TTL: variants seen among roughly 807,000 people sequenced by gnomAD.
TTL encodes tubulin--tyrosine ligase.
Under a neutral mutation model 41.1 loss-of-function variants are expected in TTL, and 10 were observed. The observed-to-expected ratio is 0.24, with a 90% CI of 0.15 to 0.41. The LOEUF (loss-of-function observed/expected upper bound fraction) is 0.41. TTL is among the 10% of genes least tolerant of loss of function. TTL has a pLI of 1.00. For synonymous variants in TTL, 175 were observed against 175.5 expected (o/e 1.00, Z 0.02); for missense variants, 367 against 460.4 (o/e 0.80, Z 1.86).
At position 112,529,224 on chromosome 2, in the gene TTL, C is replaced by T. The variant is rs765611308; in HGVS notation, c.*429C>T. ...GGAGGTTGCCTGTGTGTTCCCCACC[C>T]ATCCCTTCGGTAACACTCTGCCACA... On this transcript the variant is annotated 3_prime_UTR_variant, in exon 7 of 7. Transcript: ENST00000233336. The T allele has an allele frequency of 7.0e-6, 2 of 286,166 alleles. No homozygotes were observed. Among genetic ancestry groups the T allele is most frequent in the Non-Finnish European group, 1.3e-5 (2 of 149,916 alleles). 17.7% of individuals were successfully genotyped at this position (286,166 alleles called of 1,614,324 possible).
chr2:112,520,508 T>C, intron 6 of TTL, 83 bp downstream of exon 6: 2 of 1,543,874 alleles, frequency 1.3e-6, no homozygotes, highest in Non-Finnish European at 1.8e-6. Flanking sequence ...GTGTAGTCAC[T>C]TTGACTGCTG....
chr2:112,493,066 CTTCAAG>C (rs990756270), intron 2 of TTL, among the ~76,000 whole-genome samples: 5 of 152,096 alleles, frequency 3.3e-5, no homozygotes, highest in Admixed American at 1.3e-4. Context: ...TATTTTGTTC[CTTCAAG>C]TTCAAGTAGC....
At chr2:112,491,174 G>A (rs1190228279) in intron 2 of TTL, among the ~76,000 whole-genome samples, 2 of 151,966 alleles carry the variant, frequency 1.3e-5, no homozygotes. Context: ...TGTATTTTTA[G>A]TAGAGATAGG....
rs145108734 is a variant in TTL at position 112,492,904 on chromosome 2, A to T, written c.237-1239A>T. The stretch of plus-strand genomic sequence containing the variant: ...AGACCCCGTCTCAAATAAAAAAAAT[A>T]AAAATAAAATAAAAAATTAAACTTT... On this transcript the variant is annotated intron_variant, in intron 2 of 6. Coordinates refer to ENST00000233336, the MANE Select transcript of TTL (RefSeq NM_153712.5). Among the ~76,000 whole-genome samples the T allele has an allele frequency of 5.3e-5, 8 of 152,282 alleles. No homozygotes were observed. The East Asian group carries it at 1.5e-3, about 29-fold the overall frequency.
chr2:112,518,021 C>T (rs1255105643), intron 5 of TTL, among the ~76,000 whole-genome samples: 1 of 151,700 alleles, frequency 6.6e-6, no homozygotes, highest in African/African-American at 2.4e-5. Context: ...TCTCGGCTCA[C>T]TGCAGCCTTG....
rs550980540 is a variant in TTL at position 112,495,380 on chromosome 2, T to G, written c.469+1005T>G. ...AGGCTTCACACAAACACAGACATTC[T>G]GTCTTATTCATCCTTGTACCTTCCT... On this transcript the variant is annotated intron_variant, in intron 3 of 6. Transcript: ENST00000233336. Among the ~76,000 whole-genome samples, 29 of 152,366 alleles carry G rather than the reference T, an allele frequency of 1.9e-4. 1 individual carries two copies. The highest frequency in any genetic ancestry group is 1.9e-3 in the Admixed American group (29 of 15,306).
chr2:112,516,725 A>T (rs1159050579), intron 5 of TTL, among the ~76,000 whole-genome samples: 2 of 152,100 alleles, frequency 1.3e-5, no homozygotes, highest in African/African-American at 4.8e-5. Context: ...CTGTTCTAGG[A>T]TCTCCATTCT....
intron 2 of TTL, among the ~76,000 whole-genome samples, chr2:112,493,059 T>G (rs1681432990): frequency 6.6e-6 from 1 of 152,184 alleles, no homozygotes; most frequent in Non-Finnish European, 1.5e-5. Context: ...ATTTATTTAT[T>G]TTGTTCCTTC....
chr2:112,512,671 A>G (rs1681957284), intron 5 of TTL, among the ~76,000 whole-genome samples: 1 of 152,230 alleles, frequency 6.6e-6, no homozygotes, highest in Non-Finnish European at 1.5e-5. Context: ...TGCTGGGATT[A>G]CAGGCGTGAG....
intron 5 of TTL, among the ~76,000 whole-genome samples, chr2:112,514,570 A>G (rs1682017609): frequency 6.6e-6 from 1 of 152,192 alleles, no homozygotes; most frequent in African/African-American, 2.4e-5. Context: ...TCTGGCTTCC[A>G]TCTTTTCTGC....
rs1682680368 is a variant in TTL at position 112,539,970 on chromosome 2, T to TA, written c.*11176dup. The TA allele has an allele frequency of 6.6e-6, 1 of 152,208 alleles. No individual in the cohort carries two copies. Among genetic ancestry groups the TA allele is most frequent in the African/African-American group, 2.4e-5 (1 of 41,460 alleles). The allele number at this position is 152,208 out of a possible 1,614,324, so 9.4% of individuals were successfully genotyped here. ...AATAAATTTAACAAAAGTTCATTTCTACACCAAATACTACAAAACATCTCT... is the reference window on the plus strand; with the variant it reads ...AATAAATTTAACAAAAGTTCATTTCTAACACCAAATACTACAAAACATCTCT... On this transcript the variant is annotated 3_prime_UTR_variant, in exon 7 of 7. Coordinates refer to ENST00000233336, the MANE Select transcript of TTL (RefSeq NM_153712.5).
chr2:112,512,936 C>T lies in TTL; in HGVS notation c.876-7346C>T, dbSNP rs190526273. On this transcript the variant is annotated intron_variant, in intron 5 of 6. Transcript: ENST00000233336. ...TTTAATTTTCCTGTTGAGTATTTGG[C>T]GCTATGTCTTCTTTTATTTTTTTTT... 1.5e-4 allele frequency among the ~76,000 whole-genome samples: 22 copies of T among 149,940 alleles called. No individual in the cohort carries two copies. The East Asian group carries it at 3.7e-3, about 25-fold the overall frequency.
At chr2:112,517,500 C>G (rs1355290891) in intron 5 of TTL, among the ~76,000 whole-genome samples, 1 of 151,900 alleles carries the variant, frequency 6.6e-6, no homozygotes, top group African/African-American at 2.4e-5. Context: ...CTGCCTCCCT[C>G]AGCCTCCCAA....
Position 112,531,696 on chromosome 2 carries a change from A to G in TTL, c.*2901A>G, listed in dbSNP as rs2104483024. 4.5e-6 allele frequency: 1 copy of G among 223,946 alleles called. No homozygotes were observed. Among genetic ancestry groups the G allele is most frequent in the Non-Finnish European group, 8.9e-6 (1 of 112,248 alleles). 13.9% of individuals were successfully genotyped at this position (223,946 alleles called of 1,614,324 possible). A position where few individuals can be genotyped will look rare whatever the true frequency, so the allele number is the denominator to read the frequency against. On this transcript the variant is annotated 3_prime_UTR_variant, in exon 7 of 7. Coordinates refer to ENST00000233336, the MANE Select transcript of TTL (RefSeq NM_153712.5). ...CATAAGGCTTATGACTTAAAAAAAA[A>G]AATTCTTTTTGGAAACACAAGCATT...
At chr2:112,487,641 T>C (rs1290851266) in intron 2 of TTL, among the ~76,000 whole-genome samples, 1 of 152,172 alleles carries the variant, frequency 6.6e-6, no homozygotes, top group African/African-American at 2.4e-5. Flanking sequence ...AATCCCCGTG[T>C]CTCATCTGTA....
intron 5 of TTL, among the ~76,000 whole-genome samples, chr2:112,515,578 C>T (rs1239240960): frequency 2.6e-5 from 4 of 152,160 alleles, no homozygotes; most frequent in African/African-American, 9.7e-5. Flanking sequence ...CATGTACTCA[C>T]CTAGCTGTGA....
intron 6 of TTL, chr2:112,522,513 GTCT>G (rs1441854162): frequency 1.3e-5 from 2 of 152,456 alleles, no homozygotes; most frequent in African/African-American, 4.8e-5. Flanking sequence ...GCTGGACTCC[GTCT>G]TCTTCATCCA....
At position 112,520,309 on chromosome 2, in the gene TTL, C is replaced by A; in HGVS notation, c.903C>A (p.Ala301=). ...ACTGCCTCCTGAGCGTGGAGCCTGC[C>A]ATTAGCACCAAGCACCTCCCTTACC... is the stretch of plus-strand genomic sequence containing the variant. ...IRNCLLSVEP[A]ISTKHLPYQS... The change falls in exon 6 of 7, where the codon GCC becomes GCA. Residue 301 remains alanine, a synonymous_variant. Coordinates refer to ENST00000233336, the MANE Select transcript of TTL (RefSeq NM_153712.5). The A allele has an allele frequency of 3.7e-6, 6 of 1,614,164 alleles. No homozygotes were observed. Among genetic ancestry groups the A allele is most frequent in the Non-Finnish European group, 5.1e-6 (6 of 1,180,032 alleles).
chr2:112,493,581 G>A (rs1681448037), intron 2 of TTL, among the ~76,000 whole-genome samples: 1 of 152,122 alleles, frequency 6.6e-6, no homozygotes, highest in East Asian at 1.9e-4. Flanking sequence ...TGGTATTTGG[G>A]GAGCAGGAGG....
Sources: gnomAD v4.1 joint callset for allele counts (sites outside exome capture counted in the v4.1 genomes callset) on GRCh38, gnomAD v4.1.1 for gene constraint, MANE v1.5 for transcripts, NCBI Gene and HGNC (gene_info 2026-07-23, HGNC 2026-07-21) for gene names.